Variants in TMEM232 observed in about 807,000 individuals in gnomAD.
TMEM232 encodes the protein transmembrane protein 232.
Under a neutral mutation model 78.8 loss-of-function variants are expected in TMEM232, and 80 were observed. That is an observed-to-expected ratio of 1.01 (90% confidence interval 0.85 to 1.22). The LOEUF (loss-of-function observed/expected upper bound fraction) is 1.22, where lower values mean the gene tolerates loss of function less well. Ranked by LOEUF, TMEM232 falls within the 50% of genes most tolerant of loss-of-function variation. The pLI, the probability that TMEM232 is intolerant of heterozygous loss-of-function variation, is 0.00. For synonymous variants in TMEM232, 297 were observed against 254.3 expected (o/e 1.17, Z -1.60); for missense variants, 881 against 742.2 (o/e 1.19, Z -2.17).
rs534724584 is a variant in TMEM232 at position 110,692,054 on chromosome 5, G to A, written c.-12-24690C>T. Among the ~76,000 whole-genome samples, 7 of 152,204 alleles carry A rather than the reference G, an allele frequency of 4.6e-5. No individual in the cohort carries two copies. The East Asian group carries it at 5.8e-4, about 13-fold the overall frequency. On this transcript the variant is annotated intron_variant, in intron 1 of 13. Transcript: ENST00000455884. ...TCTTGCCTCAGCCTCCTGAGTAGCT[G>A]GGACTACAGGCGCCCGCCACCACGC...
intron 8 of TMEM232, among the ~76,000 whole-genome samples, chr5:110,611,989 C>A (rs1160188564): frequency 2.6e-5 from 4 of 152,050 alleles, no homozygotes; most frequent in Admixed American, 2.6e-4. Context: ...GACACGACGA[C>A]GTGTACTGAG....
Position 110,669,676 on chromosome 5 carries a change from C to A in TMEM232, c.-12-2312G>T, listed in dbSNP as rs557043967. 7.4e-4 allele frequency among the ~76,000 whole-genome samples: 113 copies of A among 152,032 alleles called. 1 individual carries two copies. The highest frequency in any genetic ancestry group is 1.5e-3 in the East Asian group (8 of 5,168). The stretch of plus-strand genomic sequence containing the variant: ...TACCAAAGCCTGGCAGAGACACAAC[C>A]AAAAAAGACAATTTGAGACCAAGAT... On this transcript the variant is annotated intron_variant, in intron 1 of 13. Coordinates refer to ENST00000455884, the MANE Select transcript of TMEM232 (RefSeq NM_001039763.4).
At chr5:110,615,534 A>G (rs1782815770) in intron 8 of TMEM232, among the ~76,000 whole-genome samples, 1 of 152,020 alleles carries the variant, frequency 6.6e-6, no homozygotes, top group Admixed American at 6.6e-5. Context: ...ATTATCCTCA[A>G]TGGTGAAAAG....
chr5:110,620,575 ATATCTCTCTCTCTCTCTC>A (rs1561399383), intron 7 of TMEM232, among the ~76,000 whole-genome samples: 2 of 65,136 alleles, frequency 3.1e-5, no homozygotes, highest in African/African-American at 6.2e-5. Context: ...TATGTCTCTC[ATATCTCTCTCTCTCTCTC>A]TCTCTCTCTC....
chr5:110,564,799 G>T (rs780688736), intron 11 of TMEM232, among the ~76,000 whole-genome samples: 4 of 151,890 alleles, frequency 2.6e-5, no homozygotes, highest in African/African-American at 9.7e-5. Context: ...AGAGATCAGG[G>T]TGGCCACCTA....
intron 8 of TMEM232, among the ~76,000 whole-genome samples, chr5:110,607,734 C>T (rs1781692473): frequency 6.6e-6 from 1 of 151,928 alleles, no homozygotes; most frequent in African/African-American, 2.4e-5. Context: ...ATTATGAAGA[C>T]TTCCAGGTAA....
intron 2 of TMEM232, chr5:110,666,619 A>G (rs545699441): frequency 3.2e-4 from 49 of 152,276 alleles, no homozygotes; most frequent in African/African-American, 1.1e-3. Flanking sequence ...GTTTATATGA[A>G]TAATAGCAAA....
upstream of TMEM232, among the ~76,000 whole-genome samples, chr5:110,727,557 C>G (rs1259151194): frequency 6.6e-6 from 1 of 151,926 alleles, no homozygotes; most frequent in Non-Finnish European, 1.5e-5. Context: ...TGCAGTGAGC[C>G]GAGATCATGC....
chr5:110,652,600 A>C (rs1267384407), intron 2 of TMEM232, among the ~76,000 whole-genome samples: 2 of 152,198 alleles, frequency 1.3e-5, no homozygotes, highest in African/African-American at 4.8e-5. Flanking sequence ...GTAAATCCTG[A>C]GTCCTTTAAT....
intron 11 of TMEM232, among the ~76,000 whole-genome samples, chr5:110,531,978 C>A (rs1356979958): frequency 6.6e-6 from 1 of 152,000 alleles, no homozygotes; most frequent in Non-Finnish European, 1.5e-5. Flanking sequence ...TGTACAATCA[C>A]AGAAAAAAGT....
intron 12 of TMEM232, among the ~76,000 whole-genome samples, chr5:110,473,820 GA>G (rs1370372376): frequency 8.5e-6 from 1 of 117,692 alleles, no homozygotes; most frequent in Non-Finnish European, 1.7e-5. Context: ...AAAAAAAGAG[GA>G]AATTCTATGA....
intron 1 of TMEM232, among the ~76,000 whole-genome samples, chr5:110,673,990 G>GAA (rs35347916): frequency 0.045 from 5,795 of 127,652 alleles, 291 homozygotes; most frequent in African/African-American, 0.12. Context: ...GAGGTAACAT[G>GAA]AAAAAAAAAA....
chr5:110,733,435 A>C (rs542251911), intron 2 of TMEM232, among the ~76,000 whole-genome samples: 5 of 152,202 alleles, frequency 3.3e-5, no homozygotes, highest in Non-Finnish European at 2.9e-5. Context: ...AAAGACACGG[A>C]ATCAACCTAA....
At chr5:110,544,810 G>C (rs1237519380) in intron 11 of TMEM232, among the ~76,000 whole-genome samples, 4 of 152,052 alleles carry the variant, frequency 2.6e-5, no homozygotes, top group African/African-American at 9.7e-5. Context: ...GTAATTCCTT[G>C]CTACTAAAAT....
intron 10 of TMEM232, among the ~76,000 whole-genome samples, chr5:110,583,777 C>T (rs1303757773): frequency 2.6e-5 from 4 of 151,376 alleles, no homozygotes; most frequent in East Asian, 1.9e-4. Context: ...ACTCTTAAAA[C>T]TCAATAGTAA....
chr5:110,600,949 C>G (rs190027749), intron 10 of TMEM232, among the ~76,000 whole-genome samples: 18 of 152,292 alleles, frequency 1.2e-4, no homozygotes, highest in Admixed American at 1.1e-3. Context: ...ACATAAAAAG[C>G]TGATCCACCA....
upstream of TMEM232, among the ~76,000 whole-genome samples, chr5:110,729,405 G>T (rs144732921): frequency 2.0e-4 from 31 of 152,154 alleles, no homozygotes; most frequent in East Asian, 3.1e-3. Flanking sequence ...CCAGGTAAAT[G>T]CTTACTCTTG....
intron 12 of TMEM232, among the ~76,000 whole-genome samples, chr5:110,506,169 T>C (rs1354187907): frequency 1.3e-5 from 2 of 152,232 alleles, no homozygotes; most frequent in Admixed American, 1.3e-4. Context: ...CTGTCTAGCA[T>C]ACCTTACGGA....
chr5:110,425,966 GT>G (rs1398994577), intron 12 of TMEM232, among the ~76,000 whole-genome samples: 2 of 152,038 alleles, frequency 1.3e-5, no homozygotes, highest in African/African-American at 4.8e-5. Flanking sequence ...TGTTAAAGTG[GT>G]TTTGCCTGGT....
Sources: gnomAD v4.1 joint callset for allele counts (sites outside exome capture counted in the v4.1 genomes callset) on GRCh38, gnomAD v4.1.1 for gene constraint, MANE v1.5 for transcripts, NCBI Gene and HGNC (gene_info 2026-07-23, HGNC 2026-07-21) for gene names.